ZFYVE9: variants seen among roughly 807,000 people sequenced by gnomAD.
The protein encoded by ZFYVE9 is zinc finger FYVE-type containing 9.
ZFYVE9 carries 43 observed loss-of-function variants against 126.7 expected under a neutral mutation model. The observed-to-expected ratio is 0.34, with a 90% confidence interval of 0.27 to 0.44. The LOEUF is 0.44. Among genes scored for constraint, ZFYVE9 ranks in the 20% least tolerant of loss-of-function variants. The pLI, the probability that ZFYVE9 is intolerant of heterozygous loss-of-function variation, is 1.00. For missense variants in ZFYVE9, 1,476 were observed against 1,697.0 expected (o/e 0.87, Z 2.29); for synonymous variants, 521 against 597.4 (o/e 0.87, Z 1.87).
At chr1:52,292,896 A>G (rs185554486) in intron 10 of ZFYVE9, among the ~76,000 whole-genome samples, 65 of 152,306 alleles carry the variant, frequency 4.3e-4, no homozygotes, top group African/African-American at 1.5e-3. Flanking sequence ...ACAAACTTCA[A>G]CAATGTGATA....
chr1:52,304,090 A>G (rs1646059975), intron 13 of ZFYVE9, among the ~76,000 whole-genome samples, 165 bp downstream of exon 13: 2 of 152,118 alleles, frequency 1.3e-5, no homozygotes, highest in Non-Finnish European at 2.9e-5. Context: ...CAGGAAGACA[A>G]GATGTCAAAT....
At chr1:52,319,605 C>T (rs1646218837) in intron 13 of ZFYVE9, among the ~76,000 whole-genome samples, 1 of 147,968 alleles carries the variant, frequency 6.8e-6, no homozygotes, top group Admixed American at 6.8e-5. Flanking sequence ...GCCTGGGTAA[C>T]GAGCAAAACT....
intron 13 of ZFYVE9, among the ~76,000 whole-genome samples, chr1:52,308,599 A>G (rs529552326): frequency 4.9e-4 from 75 of 151,864 alleles, no homozygotes; most frequent in African/African-American, 1.5e-3. Context: ...TCTTTTGTTC[A>G]TGGCTTTTGC....
rs1644272410 is a variant in ZFYVE9, at chr1:52,142,797, T to C, written c.-143+394T>C. Among the ~76,000 whole-genome samples, 1 of 152,072 alleles carries C rather than the reference T, an allele frequency of 6.6e-6. No individual in the cohort carries two copies. The highest frequency in any genetic ancestry group is 1.5e-5 in the Non-Finnish European group (1 of 67,988). On this transcript the variant is annotated intron_variant, in intron 1 of 18. Transcript: ENST00000287727. This position sits in a 1 kb window ranked among gnomAD's most constrained non-coding sequence, Gnocchi z 4.5. ...GCAAACAAGCTTTGGCTTCCACGCG[T>C]CCCATACCGAGTCCCTCAGAATCCC...
chr1:52,162,959 T>C, intron 1 of ZFYVE9: 1 of 468,438 alleles, frequency 2.1e-6, no homozygotes, highest in South Asian at 2.6e-5. Flanking sequence ...GGAGTTCCTG[T>C]TGGAGATTTT....
intron 13 of ZFYVE9, among the ~76,000 whole-genome samples, chr1:52,322,472 G>A (rs1646250702): frequency 6.6e-6 from 1 of 150,476 alleles, no homozygotes; most frequent in African/African-American, 2.5e-5. Context: ...CCGCCTCCCG[G>A]GTTCAAGCGA....
intron 1 of ZFYVE9, among the ~76,000 whole-genome samples, chr1:52,201,451 A>G (rs1409976787): frequency 7.1e-6 from 1 of 140,006 alleles, no homozygotes; most frequent in East Asian, 2.1e-4. Context: ...ATCTCGGCTC[A>G]CTGCAAGCTC....
chr1:52,182,544 G>A (rs893956005), intron 1 of ZFYVE9, among the ~76,000 whole-genome samples: 1 of 151,984 alleles, frequency 6.6e-6, no homozygotes, highest in African/African-American at 2.4e-5. Context: ...ACAGATGCTT[G>A]AAGGCAGCAT....
intron 9 of ZFYVE9, among the ~76,000 whole-genome samples, chr1:52,279,868 C>T (rs1406815367): frequency 6.6e-6 from 1 of 152,094 alleles, no homozygotes; most frequent in Non-Finnish European, 1.5e-5. Context: ...TGCAGTTCTC[C>T]ATGTGTACTT....
chr1:52,345,328 C>T (rs1417839763), intron 18 of ZFYVE9, among the ~76,000 whole-genome samples: 1 of 152,114 alleles, frequency 6.6e-6, no homozygotes, highest in Non-Finnish European at 1.5e-5. Context: ...AGCTTGATCC[C>T]CCTTCCCCAC....
intron 13 of ZFYVE9, among the ~76,000 whole-genome samples, chr1:52,322,567 G>A (rs959659773): frequency 2.0e-5 from 3 of 151,128 alleles, no homozygotes; most frequent in East Asian, 2.0e-4. Flanking sequence ...TAGTAGAGAC[G>A]GGGTTTCACT....
chr1:52,332,363 A>G (rs1168996714), intron 13 of ZFYVE9, among the ~76,000 whole-genome samples: 1 of 152,210 alleles, frequency 6.6e-6, no homozygotes, highest in Non-Finnish European at 1.5e-5. Context: ...CTCCTTTGGA[A>G]GTTGAAAAAG....
intron 10 of ZFYVE9, among the ~76,000 whole-genome samples, chr1:52,291,239 G>C (rs1645916578): frequency 6.6e-6 from 1 of 152,190 alleles, no homozygotes; most frequent in Non-Finnish European, 1.5e-5. Flanking sequence ...TGAGTTTAAA[G>C]GGGAGGTATT....
intron 8 of ZFYVE9, 117 bp downstream of exon 8, chr1:52,274,701 A>T (rs1645728672): frequency 8.9e-7 from 1 of 1,121,186 alleles, no homozygotes; most frequent in Non-Finnish European, 1.2e-6. Flanking sequence ...AACAAAACAA[A>T]CTCCCCCAAA....
intron 1 of ZFYVE9, among the ~76,000 whole-genome samples, chr1:52,158,450 A>C (rs1644423142): frequency 6.6e-6 from 1 of 152,194 alleles, no homozygotes; most frequent in Non-Finnish European, 1.5e-5. Flanking sequence ...CGCAGCAGGG[A>C]GTGCTAACTC....
chr1:52,284,210 A>C (rs1023091232), intron 10 of ZFYVE9, among the ~76,000 whole-genome samples: 1 of 152,164 alleles, frequency 6.6e-6, no homozygotes, highest in Non-Finnish European at 1.5e-5. Flanking sequence ...AAAATGGCAG[A>C]TGATTATATG....
chr1:52,263,521 A>G (rs1645601535), intron 4 of ZFYVE9, among the ~76,000 whole-genome samples: 2 of 152,064 alleles, frequency 1.3e-5, no homozygotes, highest in African/African-American at 4.8e-5. Flanking sequence ...CCACTGCTGT[A>G]TATTTGCCAC....
At position 52,190,825 on chromosome 1, in the gene ZFYVE9, T is replaced by A. The variant is rs557796834; in HGVS notation, c.-142-25544T>A. 7.7e-4 allele frequency among the ~76,000 whole-genome samples: 118 copies of A among 152,336 alleles called. 2 individuals carry two copies. The highest frequency in any genetic ancestry group is 4.2e-3 in the Admixed American group (65 of 15,298). ...TTTCTTGACTTTCCCTAGAAGAATT[T>A]GTGTCAGTAACTATTAATAGCATCT... is the stretch of plus-strand genomic sequence containing the variant. On this transcript the variant is annotated intron_variant, in intron 1 of 18. Transcript: ENST00000287727.
chr1:52,322,477 A>C (rs569603060), intron 13 of ZFYVE9, among the ~76,000 whole-genome samples: 1 of 148,378 alleles, frequency 6.7e-6, no homozygotes, highest in African/African-American at 2.5e-5. Context: ...TCCCGGGTTC[A>C]AGCGATTCTT....
Sources: allele counts gnomAD v4.1 joint callset (sites outside exome capture counted in the v4.1 genomes callset), GRCh38; gene constraint gnomAD v4.1.1; non-coding constraint Gnocchi (gnomAD v3.1); transcripts MANE v1.5; gene names NCBI Gene and HGNC (gene_info 2026-07-23, HGNC 2026-07-21).